The following NRXN3 variants were observed in gnomAD, a reference collection of about 807,000 sequenced individuals.
NRXN3 encodes the protein neurexin III.
In NRXN3, 32 loss-of-function variants were observed where a neutral mutation model predicts 137.6. The ratio of observed to expected loss-of-function variants is 0.23; its 90% CI spans 0.18 to 0.31. NRXN3 has a LOEUF of 0.31. Among genes scored for constraint, NRXN3 ranks in the 10% least tolerant of loss-of-function variants. The pLI is 1.00. For synonymous variants in NRXN3, 798 were observed against 784.5 expected (o/e 1.02, Z -0.29); for missense variants, 1,574 against 2,062.5 (o/e 0.76, Z 4.59).
intron 10 of NRXN3, among the ~76,000 whole-genome samples, chr14:78,904,187 G>A (rs111333239): frequency 2.2e-3 from 337 of 152,166 alleles, no homozygotes; most frequent in African/African-American, 7.3e-3. Flanking sequence ...TTTTAGGGCA[G>A]TTGTTCTCAA....
intron 15 of NRXN3, among the ~76,000 whole-genome samples, chr14:79,045,617 C>A (rs1448565188): frequency 1.3e-5 from 2 of 152,100 alleles, no homozygotes; most frequent in Non-Finnish European, 2.9e-5. Flanking sequence ...TAAAAGCAGC[C>A]TTTTTATTCT....
At chr14:79,737,865 C>T (rs150191125) in intron 19 of NRXN3, among the ~76,000 whole-genome samples, 1,671 of 152,088 alleles carry the variant, frequency 0.011, 41 homozygotes, top group Admixed American at 0.047. Flanking sequence ...GCCCATTGTG[C>T]AGTGTTCTTA....
At chr14:78,722,543 TGGATTAA>T (rs920346076) in intron 8 of NRXN3, among the ~76,000 whole-genome samples, 3 of 152,218 alleles carry the variant, frequency 2.0e-5, no homozygotes, top group Non-Finnish European at 2.9e-5. Flanking sequence ...CACTACAGTT[TGGATTAA>T]GAAGAAAGGA....
intron 15 of NRXN3, among the ~76,000 whole-genome samples, chr14:79,200,372 C>T (rs768064896): frequency 3.8e-4 from 58 of 152,078 alleles, no homozygotes; most frequent in African/African-American, 7.5e-4. Context: ...GAGAGTATAC[C>T]GGGGAAGCAA....
At chr14:79,772,302 AG>A (rs1364687111) in intron 19 of NRXN3, among the ~76,000 whole-genome samples, 2 of 152,086 alleles carry the variant, frequency 1.3e-5, no homozygotes, top group Non-Finnish European at 2.9e-5. Flanking sequence ...GAACCAAAAA[AG>A]AGCCCGCATC....
At chr14:79,325,118 C>T (rs1034308195) in intron 15 of NRXN3, among the ~76,000 whole-genome samples, 6 of 152,158 alleles carry the variant, frequency 3.9e-5, no homozygotes, top group African/African-American at 1.2e-4. Context: ...TCTTTTCCTA[C>T]TTTTCTTTTT....
At chr14:79,603,604 T>A (rs1221196456) in intron 16 of NRXN3, among the ~76,000 whole-genome samples, 1 of 152,202 alleles carries the variant, frequency 6.6e-6, no homozygotes, top group Non-Finnish European at 1.5e-5. Flanking sequence ...TCTTGTCATT[T>A]TTTTTCATAT....
chr14:79,807,256 A>G (rs191380614), intron 20 of NRXN3, among the ~76,000 whole-genome samples: 2 of 152,078 alleles, frequency 1.3e-5, no homozygotes, highest in African/African-American at 4.8e-5. Flanking sequence ...TTCCTTTCTT[A>G]GCAGTGATAT....
chr14:79,555,582 C>A (rs192186310), intron 16 of NRXN3, among the ~76,000 whole-genome samples: 3 of 152,028 alleles, frequency 2.0e-5, no homozygotes, highest in East Asian at 1.9e-4. Flanking sequence ...AGAGCAGAAC[C>A]ATTTGCTTTG....
At chr14:79,462,859 TG>T (rs2096366743) in intron 15 of NRXN3, among the ~76,000 whole-genome samples, 1 of 27,806 alleles carries the variant, frequency 3.6e-5, no homozygotes, top group African/African-American at 1.5e-4. Flanking sequence ...GCATACACAA[TG>T]AATGTATATG....
intron 6 of NRXN3, among the ~76,000 whole-genome samples, chr14:78,674,100 A>G (rs917515451): frequency 6.6e-6 from 1 of 152,140 alleles, no homozygotes; most frequent in African/African-American, 2.4e-5. Context: ...CCTATCAGAA[A>G]CTGGGACAGA....
rs374171459 is a variant in NRXN3 at position 79,467,413 on chromosome 14, G to A, written c.3444+11G>A. On this transcript the variant is annotated intron_variant, in intron 16 of 20. Coordinates refer to ENST00000335750, the MANE Select transcript of NRXN3 (RefSeq NM_001330195.2). ...CTCCAGCTTCACATAGTGAGTACAG[G>A]GCCTTGGCCTGGATTTTCTTATGTT... The A allele has an allele frequency of 9.5e-6, 15 of 1,572,160 alleles. No individual in the cohort carries two copies. Among genetic ancestry groups the A allele is most frequent in the African/African-American group, 2.7e-5 (2 of 73,970 alleles).
At chr14:79,504,693 G>A (rs1053611423) in intron 16 of NRXN3, among the ~76,000 whole-genome samples, 38 of 124,918 alleles carry the variant, frequency 3.0e-4, no homozygotes, top group African/African-American at 1.3e-3. Context: ...ACACATTTAG[G>A]ACATTTCATG....
intron 3 of NRXN3, among the ~76,000 whole-genome samples, chr14:78,296,882 G>A (rs554013397): frequency 2.6e-4 from 40 of 152,106 alleles, no homozygotes; most frequent in African/African-American, 8.9e-4. Flanking sequence ...GTTCTCTGGA[G>A]TGATTTGGAT....
intron 8 of NRXN3, among the ~76,000 whole-genome samples, chr14:78,772,897 C>T (rs141249551): frequency 1.3e-3 from 204 of 152,340 alleles, no homozygotes; most frequent in Non-Finnish European, 2.2e-3. Flanking sequence ...TACCCCTAAA[C>T]ATTCTAACTC....
chr14:79,016,784 G>C (rs2099579974), intron 15 of NRXN3, among the ~76,000 whole-genome samples: 1 of 152,160 alleles, frequency 6.6e-6, no homozygotes, highest in South Asian at 2.1e-4. Context: ...TACTCGCCAA[G>C]CTCTCCCTGC....
chr14:78,998,516 C>T lies in NRXN3; in HGVS notation c.3262+10375C>T, dbSNP rs116066955. On this transcript the variant is annotated intron_variant, in intron 15 of 20. Coordinates refer to ENST00000335750, the MANE Select transcript of NRXN3 (RefSeq NM_001330195.2). ...CCAAAGAAAACGTTGCAAGAAGCTG[C>T]GCAAAGCTAGTTAAAGACTTGCCAA... Among the ~76,000 whole-genome samples the T allele has an allele frequency of 6.2e-3, 943 of 152,154 alleles. 9 individuals are homozygous for T. The highest frequency in any genetic ancestry group is 0.021 in the African/African-American group (886 of 41,506).
At chr14:79,769,699 G>T (rs1347870290) in intron 19 of NRXN3, among the ~76,000 whole-genome samples, 2 of 151,866 alleles carry the variant, frequency 1.3e-5, no homozygotes, top group African/African-American at 4.8e-5. Flanking sequence ...TCGAGACTAG[G>T]AAGAAACTGC....
intron 1 of NRXN3, among the ~76,000 whole-genome samples, chr14:78,226,817 C>T (rs1211668989): frequency 6.6e-6 from 1 of 152,168 alleles, no homozygotes; most frequent in Non-Finnish European, 1.5e-5. Context: ...ATTGGGGCTT[C>T]TACCTTTTGA....
Sources: gnomAD v4.1 joint callset for allele counts (sites outside exome capture counted in the v4.1 genomes callset) on GRCh38, gnomAD v4.1.1 for gene constraint, MANE v1.5 for transcripts, NCBI Gene and HGNC (gene_info 2026-07-23, HGNC 2026-07-21) for gene names.